MAGED1: variants seen among roughly 807,000 people sequenced by gnomAD.
MAGED1 encodes the protein melanoma-associated antigen D1.
In MAGED1, 3 loss-of-function variants were observed where a neutral mutation model predicts 54.1. The ratio of observed to expected loss-of-function variants is 0.06; its 90% confidence interval spans 0.03 to 0.14. The LOEUF (loss-of-function observed/expected upper bound fraction) is 0.14, where lower values mean the gene tolerates loss of function less well. Ranked by LOEUF, MAGED1 falls within the 10% of genes least tolerant of loss-of-function variation. The probability of loss-of-function intolerance (pLI) is 1.00; values close to 1 mark genes in which losing one functional copy is unlikely to be tolerated. For synonymous variants in MAGED1, 217 were observed against 227.3 expected (o/e 0.95, Z 0.41); for missense variants, 485 against 623.4 (o/e 0.78, Z 2.36).
intron 1 of MAGED1, chrX:51,870,734 G>A (rs1927641419): frequency 8.9e-6 from 1 of 112,129 alleles, no homozygotes; most frequent in South Asian, 3.7e-4. Flanking sequence ...ATGAATTTAT[G>A]TGTCATCTGT....
At chrX:51,873,452 TATAAGTC>T (rs1375801237) in intron 1 of MAGED1, among the ~76,000 whole-genome samples, 5 of 109,201 alleles carry the variant, frequency 4.6e-5, no homozygotes, top group African/African-American at 1.7e-4. Flanking sequence ...AGATAATACT[TATAAGTC>T]ATAGTCATGA....
At chrX:51,853,750 G>C (rs1304308158) in intron 1 of MAGED1, among the ~76,000 whole-genome samples, 2 of 111,950 alleles carry the variant, frequency 1.8e-5, no homozygotes, top group African/African-American at 6.5e-5. Context: ...TTTAAAATTT[G>C]TTTTCAACCT....
chrX:51,860,765 C>T (rs935021022), intron 1 of MAGED1, among the ~76,000 whole-genome samples: 1 of 110,061 alleles, frequency 9.1e-6, no homozygotes, highest in Non-Finnish European at 1.9e-5. Context: ...AAAAAAGACC[C>T]AAGGCAGAAT....
intron 1 of MAGED1, among the ~76,000 whole-genome samples, chrX:51,829,532 TA>T (rs200397498): frequency 1.8e-3 from 188 of 106,171 alleles, no homozygotes; most frequent in Middle Eastern, 5.0e-3. Context: ...CTTTAATTTT[TA>T]AAAAAAAAAA....
chrX:51,806,372 C>T (rs782082306), intron 1 of MAGED1, among the ~76,000 whole-genome samples: 33 of 111,841 alleles, frequency 3.0e-4, no homozygotes, highest in Non-Finnish European at 7.5e-5. Context: ...GTTACTATTC[C>T]AAATTAATCA....
At chrX:51,890,420 C>G (rs1274051891), upstream of MAGED1, among the ~76,000 whole-genome samples, 1 of 111,887 alleles carries the variant, frequency 8.9e-6, no homozygotes, top group Non-Finnish European at 1.9e-5. Context: ...TTCTCCGAAT[C>G]CTTCTAGCAA....
At chrX:51,892,957 T>C (rs891309821), upstream of MAGED1, among the ~76,000 whole-genome samples, 7 of 110,973 alleles carry the variant, frequency 6.3e-5, no homozygotes, top group Admixed American at 1.9e-4. Context: ...TGCTGTGATG[T>C]ACAAGCTGTG....
At chrX:51,873,841 G>A (rs1927779446) in intron 1 of MAGED1, among the ~76,000 whole-genome samples, 1 of 110,733 alleles carries the variant, frequency 9.0e-6, no homozygotes, top group African/African-American at 3.3e-5. Flanking sequence ...CAGGTAGAAA[G>A]AATGAGGAAG....
intron 1 of MAGED1, among the ~76,000 whole-genome samples, chrX:51,818,342 C>A (rs1925505943): frequency 9.0e-6 from 1 of 111,579 alleles, no homozygotes; most frequent in Non-Finnish European, 1.9e-5. Flanking sequence ...GCACTACAAG[C>A]TGGGCATGGC....
At chrX:51,870,612 G>A (rs1479582750) in intron 1 of MAGED1, 3 of 112,058 alleles carry the variant, frequency 2.7e-5, no homozygotes, top group Non-Finnish European at 3.8e-5. Flanking sequence ...AGAATCAGGT[G>A]GTAAGGTTGA....
chrX:51,892,530 G>A (rs1928482306), upstream of MAGED1, among the ~76,000 whole-genome samples: 1 of 112,160 alleles, frequency 8.9e-6, no homozygotes, highest in African/African-American at 3.2e-5. Flanking sequence ...TGATAAGGAA[G>A]AGGCCTGATG....
At chrX:51,814,252 G>GGCTGTTGCT (rs1925324846) in intron 1 of MAGED1, among the ~76,000 whole-genome samples, 1 of 111,717 alleles carries the variant, frequency 9.0e-6, no homozygotes, top group Non-Finnish European at 1.9e-5. Context: ...CCGTTGTTAT[G>GGCTGTTGCT]GCTGTTGCTG....
At chrX:51,859,720 G>A (rs1557360470) in intron 1 of MAGED1, among the ~76,000 whole-genome samples, 1 of 111,549 alleles carries the variant, frequency 9.0e-6, no homozygotes, top group Non-Finnish European at 1.9e-5. Flanking sequence ...GTAATCACAA[G>A]GATCCTTATA....
intron 1 of MAGED1, among the ~76,000 whole-genome samples, chrX:51,834,655 AC>A (rs1557357764): frequency 9.0e-6 from 1 of 111,709 alleles, no homozygotes; most frequent in Non-Finnish European, 1.9e-5. Flanking sequence ...TGTAGAAGTT[AC>A]ATTTATATTC....
chrX:51,875,039 A>G (rs1419470211), intron 1 of MAGED1, among the ~76,000 whole-genome samples: 1 of 110,942 alleles, frequency 9.0e-6, no homozygotes, highest in African/African-American at 3.3e-5. Flanking sequence ...GCATAAAGCT[A>G]ATTATCCCTG....
At chrX:51,847,418 T>C (rs1926725453) in intron 1 of MAGED1, among the ~76,000 whole-genome samples, 1 of 111,939 alleles carries the variant, frequency 8.9e-6, no homozygotes, top group Non-Finnish European at 1.9e-5. Context: ...ATTGAGTTCA[T>C]TTTTAACTGC....
In MAGED1 at chrX:51,898,121, GAC is replaced by G. The variant is rs782435647; in HGVS notation, c.1671_1672del (p.Pro558GlnfsTer21). ...CTTTCTATATTCCCTTAGGACCAAA[GAC>G]ACACCCAAGCTCGGTCTCCTCTTGG... ...SLAGILGTTK[D>X]TPKLGLLLVI... On this transcript the variant is annotated frameshift_variant, in exon 8 of 13. Coordinates refer to ENST00000326587, the MANE Select transcript of MAGED1 (RefSeq NM_006986.4). LOFTEE classifies it high-confidence loss of function. The G allele has an allele frequency of 8.3e-7, 1 of 1,209,120 alleles. No individual in the cohort carries two copies.
chrX:51,877,817 T>C (rs782696149), intron 1 of MAGED1, among the ~76,000 whole-genome samples: 203 of 112,195 alleles, frequency 1.8e-3, no homozygotes, highest in Non-Finnish European at 2.8e-3. Flanking sequence ...TTAGACTTGG[T>C]ATGGACCATT....
At chrX:51,825,767 A>G (rs782322702) in intron 1 of MAGED1, among the ~76,000 whole-genome samples, 7 of 111,914 alleles carry the variant, frequency 6.3e-5, no homozygotes, top group Non-Finnish European at 1.1e-4. Flanking sequence ...AGCCCTATAC[A>G]TGCAGATGGT....
Sources: allele counts gnomAD v4.1 joint callset (sites outside exome capture counted in the v4.1 genomes callset), GRCh38; gene constraint gnomAD v4.1.1; transcripts MANE v1.5; gene names NCBI Gene and HGNC (gene_info 2026-07-23, HGNC 2026-07-21).